ALKAL1: variants seen among roughly 807,000 people sequenced by gnomAD.
ALKAL1 encodes ALK and LTK ligand 1.
ALKAL1 carries 23 observed loss-of-function variants against 13.5 expected under a neutral mutation model. That is an observed-to-expected ratio of 1.70 (90% confidence interval 1.23 to 2.41). ALKAL1 has a LOEUF of 2.41. ALKAL1 is among the 30% of genes most tolerant of loss of function. ALKAL1 has a pLI of 0.00. For synonymous variants in ALKAL1, 85 were observed against 77.7 expected (o/e 1.09, Z -0.49); for missense variants, 181 against 178.4 (o/e 1.01, Z -0.08).
At chr8:52,558,347 C>CAAA (rs398007812) in intron 1 of ALKAL1, among the ~76,000 whole-genome samples, 10 of 18,852 alleles carry the variant, frequency 5.3e-4, no homozygotes, top group Non-Finnish European at 6.4e-4. Context: ...GACTCCATCT[C>CAAA]AAAAAAAAAA....
chr8:52,548,528 TA>T (rs1322552098), intron 1 of ALKAL1, among the ~76,000 whole-genome samples: 1 of 152,140 alleles, frequency 6.6e-6, no homozygotes, highest in African/African-American at 2.4e-5. Flanking sequence ...AAAGAAATGA[TA>T]ATTGTTTGAG....
At chr8:52,559,835 C>A (rs960831232) in intron 1 of ALKAL1, among the ~76,000 whole-genome samples, 1 of 152,020 alleles carries the variant, frequency 6.6e-6, no homozygotes, top group Admixed American at 6.6e-5. Flanking sequence ...AATTTTAATT[C>A]TATATGTCCA....
In ALKAL1 at chr8:52,548,648, T is replaced by C. The variant is rs1590867559; in HGVS notation, c.191-6203A>G. ...AAAATAATATAAAATGTATGCTTCA[T>C]TCCTGTGATATATAATTACAATTAT... is the stretch of plus-strand genomic sequence containing the variant. On this transcript the variant is annotated intron_variant, in intron 1 of 4. Transcript: ENST00000358543. 2.0e-5 allele frequency among the ~76,000 whole-genome samples: 3 copies of C among 151,986 alleles called. No homozygotes were observed. In the South Asian group the frequency reaches 6.2e-4, roughly 31 times the overall value.
At chr8:52,552,245 G>A (rs142674569) in intron 1 of ALKAL1, among the ~76,000 whole-genome samples, 115 of 151,894 alleles carry the variant, frequency 7.6e-4, no homozygotes, top group Admixed American at 6.6e-4. Context: ...CTGAGATTAC[G>A]GGTGTTAGGG....
chr8:52,541,410 A>G (rs1847310952), intron 2 of ALKAL1, among the ~76,000 whole-genome samples: 1 of 152,220 alleles, frequency 6.6e-6, no homozygotes, highest in African/African-American at 2.4e-5. Context: ...TCAAGGCTGC[A>G]GTGAGCCATG....
chr8:52,538,828 T>G (rs1356386139), intron 3 of ALKAL1, among the ~76,000 whole-genome samples: 1 of 152,242 alleles, frequency 6.6e-6, no homozygotes, highest in Non-Finnish European at 1.5e-5. Flanking sequence ...TGTAATCCAA[T>G]GTGATTAAAT....
chr8:52,551,333 C>T (rs1847428035), intron 1 of ALKAL1, among the ~76,000 whole-genome samples: 2 of 152,088 alleles, frequency 1.3e-5, no homozygotes, highest in East Asian at 3.8e-4. Flanking sequence ...CTTGCCCTGT[C>T]ACCACAGCTG....
chr8:52,556,195 C>T (rs1472715182), intron 1 of ALKAL1, among the ~76,000 whole-genome samples: 2 of 152,024 alleles, frequency 1.3e-5, no homozygotes, highest in South Asian at 4.1e-4. Flanking sequence ...TTCAAAATAC[C>T]TTATTGTGAA....
chr8:52,537,395 A>G (rs1403516815), intron 4 of ALKAL1, among the ~76,000 whole-genome samples: 4 of 152,212 alleles, frequency 2.6e-5, no homozygotes, highest in Non-Finnish European at 5.9e-5. Flanking sequence ...TACAGCCATT[A>G]TGAACAACAG....
intron 1 of ALKAL1, among the ~76,000 whole-genome samples, chr8:52,547,557 A>C (rs1847383007): frequency 6.6e-6 from 1 of 152,170 alleles, no homozygotes; most frequent in African/African-American, 2.4e-5. Context: ...CCCCGCAAAC[A>C]ATGAAACTAG....
intron 1 of ALKAL1, among the ~76,000 whole-genome samples, chr8:52,546,544 T>A (rs1418113557): frequency 2.6e-5 from 4 of 152,260 alleles, no homozygotes; most frequent in Non-Finnish European, 5.9e-5. Context: ...AAGTCTTAGC[T>A]CATAGCTTAT....
At chr8:52,557,226 GA>G (rs1447954674) in intron 1 of ALKAL1, among the ~76,000 whole-genome samples, 1 of 152,216 alleles carries the variant, frequency 6.6e-6, no homozygotes, top group Non-Finnish European at 1.5e-5. Flanking sequence ...GGTGCTTGGA[GA>G]GAGTAAGAAG....
intron 1 of ALKAL1, among the ~76,000 whole-genome samples, chr8:52,547,210 AC>A (rs1248123736): frequency 1.3e-5 from 2 of 152,172 alleles, no homozygotes; most frequent in African/African-American, 4.8e-5. Context: ...TAAGAAAATT[AC>A]CCCAGGCCGG....
Position 52,557,372 on chromosome 8 carries a change from C to A in ALKAL1, c.190+7695G>T, listed in dbSNP as rs967737944. Among the ~76,000 whole-genome samples the A allele has an allele frequency of 7.2e-5, 11 of 152,188 alleles. No individual in the cohort carries two copies. In the South Asian group the frequency reaches 1.2e-3, roughly 17 times the overall value. On this transcript the variant is annotated intron_variant, in intron 1 of 4. Coordinates refer to ENST00000358543, the MANE Select transcript of ALKAL1 (RefSeq NM_207413.4). ...GACAAGATACCTGGAACTCAGAGATCCACCCCTTCCCAATTCCACAGCAAG... is the reference window on the plus strand; with the variant it reads ...GACAAGATACCTGGAACTCAGAGATACACCCCTTCCCAATTCCACAGCAAG...
intron 4 of ALKAL1, 94 bp from the exon 5 acceptor site, chr8:52,534,694 G>A: frequency 2.1e-6 from 1 of 471,926 alleles, no homozygotes; most frequent in East Asian, 3.3e-5. Flanking sequence ...TTTGCTTAAA[G>A]ACTCTGTGGA....
At position 52,539,923 on chromosome 8, in the gene ALKAL1, G is replaced by A; in HGVS notation, c.245-12C>T. On this transcript the variant is annotated splice_polypyrimidine_tract_variant and intron_variant, in intron 2 of 4. Transcript: ENST00000358543. The stretch of plus-strand genomic sequence containing the variant: ...AAATGTGACCGGCCCTAGAGCACAG[G>A]AAAAGAATGCTTATTATAAACATAG... 6.2e-7 allele frequency: 1 copy of A among 1,603,696 alleles called. No homozygotes were observed. Among genetic ancestry groups the A allele is most frequent in the Non-Finnish European group, 8.5e-7 (1 of 1,176,064 alleles).
chr8:52,550,251 G>T (rs1847416771), intron 1 of ALKAL1, among the ~76,000 whole-genome samples: 1 of 152,044 alleles, frequency 6.6e-6, no homozygotes, highest in Non-Finnish European at 1.5e-5. Context: ...AACTCAAATT[G>T]GTTGCTTATT....
intron 1 of ALKAL1, among the ~76,000 whole-genome samples, chr8:52,561,257 G>A (rs1038650958): frequency 3.3e-5 from 5 of 152,190 alleles, no homozygotes; most frequent in South Asian, 2.1e-4. Context: ...CCACTATTAC[G>A]CAAGCCCCTG....
chr8:52,536,687 TC>T (rs1847269670), intron 4 of ALKAL1, among the ~76,000 whole-genome samples: 1 of 149,806 alleles, frequency 6.7e-6, no homozygotes, highest in African/African-American at 2.5e-5. Context: ...AGACCTGGTT[TC>T]TTTTTTATTA....
Sources: allele counts gnomAD v4.1 joint callset (sites outside exome capture counted in the v4.1 genomes callset), GRCh38; gene constraint gnomAD v4.1.1; transcripts MANE v1.5; gene names NCBI Gene and HGNC (gene_info 2026-07-23, HGNC 2026-07-21).